Variants in DAP3 observed in about 807,000 individuals in gnomAD.
DAP3 encodes death associated protein 3.
Under a neutral mutation model 51.9 loss-of-function variants are expected in DAP3, and 28 were observed. That is an observed-to-expected ratio of 0.54 (90% CI 0.40 to 0.74). The LOEUF is 0.74. DAP3 is among the 30% of genes least tolerant of loss of function. DAP3 has a pLI of 0.00. For synonymous variants in DAP3, 170 were observed against 170.3 expected (o/e 1.00, Z 0.01); for missense variants, 458 against 483.5 (o/e 0.95, Z 0.49).
At chr1:155,730,334 G>A (rs1416708561) in intron 9 of DAP3, among the ~76,000 whole-genome samples, 1 of 147,190 alleles carries the variant, frequency 6.8e-6, no homozygotes, top group Non-Finnish European at 1.5e-5. Context: ...GCAAGGCCTG[G>A]TGTGATGGCT....
Position 155,738,040 on chromosome 1 carries a change from G to A in DAP3, c.1112-117G>A. The stretch of plus-strand genomic sequence containing the variant: ...GGTCTAGAAGTAAGATCTCTTGGGA[G>A]ATGATAATTACCTCAGAACGTAATT... On this transcript the variant is annotated intron_variant, in intron 12 of 12. Coordinates refer to ENST00000368336, the MANE Select transcript of DAP3 (RefSeq NM_004632.4). 3.2e-6 allele frequency: 3 copies of A among 928,430 alleles called. No homozygotes were observed. In the South Asian group the frequency reaches 4.7e-5, roughly 14 times the overall value. The allele number at this position is 928,430 out of a possible 1,614,324, so 57.5% of individuals were successfully genotyped here.
intron 4 of DAP3, chr1:155,721,918 C>T: frequency 2.0e-6 from 1 of 492,364 alleles, no homozygotes; most frequent in Admixed American, 3.3e-5. Flanking sequence ...TAATATGCTG[C>T]ACAAAAGCAA....
rs1655296007 is a variant in DAP3, at chr1:155,701,682, A to G, written c.-7-8091A>G. On this transcript the variant is annotated intron_variant, in intron 1 of 12. Coordinates refer to ENST00000368336, the MANE Select transcript of DAP3 (RefSeq NM_004632.4). Reference sequence around the variant, plus strand: ...ACACCCAAGAATTATCAATAAAAAAATAAATTAAAAAAAAAAAAAAAAGAA... The same window carrying G: ...ACACCCAAGAATTATCAATAAAAAAGTAAATTAAAAAAAAAAAAAAAAGAA... Among the ~76,000 whole-genome samples the G allele has an allele frequency of 2.1e-5, 3 of 139,846 alleles. No individual in the cohort carries two copies. The South Asian group carries it at 6.4e-4, about 30-fold the overall frequency. The allele number at this position is 139,846 out of a possible 152,430, so 91.7% of individuals were successfully genotyped here.
chr1:155,721,740 C>G (rs1011625492), intron 4 of DAP3, 122 bp downstream of exon 4: 1 of 909,160 alleles, frequency 1.1e-6, no homozygotes, highest in Non-Finnish European at 1.7e-6. Context: ...AACAGAAATT[C>G]ATGTGTTGAT....
At chr1:155,714,861 T>C (rs538769334) in intron 2 of DAP3, among the ~76,000 whole-genome samples, 1 of 152,096 alleles carries the variant, frequency 6.6e-6, no homozygotes, top group African/African-American at 2.4e-5. Context: ...TGGGTGTAAG[T>C]GTGAGGAGGG....
At chr1:155,699,831 G>T (rs1175622725) in intron 1 of DAP3, among the ~76,000 whole-genome samples, 2 of 152,172 alleles carry the variant, frequency 1.3e-5, no homozygotes, top group Non-Finnish European at 2.9e-5. Flanking sequence ...GCCCAGGCTG[G>T]TCTCAAACTC....
intron 2 of DAP3, among the ~76,000 whole-genome samples, chr1:155,712,186 A>T (rs1173576144): frequency 2.6e-5 from 4 of 152,216 alleles, no homozygotes; most frequent in African/African-American, 9.6e-5. Flanking sequence ...ATTGGCTCAC[A>T]AATGCTCTTT....
chr1:155,728,936 A>T, intron 7 of DAP3, 106 bp from the exon 8 acceptor site: 1 of 1,017,644 alleles, frequency 9.8e-7, no homozygotes. Flanking sequence ...ACAATAGATT[A>T]AAATGAACTC....
At position 155,729,023 on chromosome 1, in the gene DAP3, T is replaced by C; in HGVS notation, c.604-19T>C. ...AAGTAGCCTTTTTTTTGGTTTTTAT[T>C]TTCTTTGCTTGCTTTTAGATAAAAG... On this transcript the variant is annotated intron_variant, in intron 7 of 12. Transcript: ENST00000368336. The C allele has an allele frequency of 6.2e-7, 1 of 1,610,294 alleles. No individual in the cohort carries two copies. The highest frequency in any genetic ancestry group is 8.5e-7 in the Non-Finnish European group (1 of 1,179,188).
At chr1:155,737,955 A>G (rs1324104146) in intron 12 of DAP3, among the ~76,000 whole-genome samples, 3 of 152,166 alleles carry the variant, frequency 2.0e-5, no homozygotes, top group Non-Finnish European at 4.4e-5. Flanking sequence ...GCTGGTTTGG[A>G]GGAGTAGACA....
At chr1:155,732,121 T>G in intron 11 of DAP3, 88 bp downstream of exon 11, 1 of 1,218,784 alleles carries the variant, frequency 8.2e-7, no homozygotes, top group South Asian at 1.5e-5. Context: ...TTTGACATAA[T>G]TTCAGACTTA....
intron 1 of DAP3, among the ~76,000 whole-genome samples, chr1:155,696,528 C>T (rs1320215717): frequency 6.6e-6 from 1 of 152,124 alleles, no homozygotes; most frequent in Non-Finnish European, 1.5e-5. Context: ...GTACTTGTAT[C>T]CCCAAATATT....
In DAP3 at chr1:155,725,403, T is replaced by C; in HGVS notation, c.292T>C (p.Cys98Arg). ...VMQVKTFSEA[C>R]LMVRKPALEL... The stretch of plus-strand genomic sequence containing the variant: ...TCAGGTGAAGACATTCAGTGAAGCT[T>C]GCCTGATGGTAAGGAAACCAGCCCT... The change falls in exon 5 of 13, where the codon TGC becomes CGC. Residue 98 changes from cysteine (C) to arginine (R), a missense_variant. Coordinates refer to ENST00000368336, the MANE Select transcript of DAP3 (RefSeq NM_004632.4). The C allele has an allele frequency of 6.2e-7, 1 of 1,614,130 alleles. No homozygotes were observed. The highest frequency in any genetic ancestry group is 8.5e-7 in the Non-Finnish European group (1 of 1,180,022).
intron 12 of DAP3, 150 bp from the exon 13 acceptor site, chr1:155,738,007 G>A: frequency 1.5e-6 from 1 of 685,608 alleles, no homozygotes; most frequent in South Asian, 1.9e-5. Context: ...GTAGCTTGTT[G>A]GGGTGAGGGT....
At position 155,736,926 on chromosome 1, in the gene DAP3, T is replaced by C. The variant is rs1247707870; in HGVS notation, c.994-20T>C. The C allele has an allele frequency of 1.3e-6, 2 of 1,578,610 alleles. No individual in the cohort carries two copies. The highest frequency in any genetic ancestry group is 3.3e-5 in the Admixed American group (2 of 59,986). ...TTTGTTCCTTAACTAACATGTTTCC[T>C]GATCCTTTTTCTTCCCCAGGAAGGA... is the stretch of plus-strand genomic sequence containing the variant. On this transcript the variant is annotated intron_variant, in intron 11 of 12. Transcript: ENST00000368336.
At chr1:155,733,723 G>A (rs1659479651) in intron 11 of DAP3, among the ~76,000 whole-genome samples, 1 of 152,064 alleles carries the variant, frequency 6.6e-6, no homozygotes, top group Non-Finnish European at 1.5e-5. Context: ...TATAGTCCCA[G>A]TTACTCTGGA....
At chr1:155,715,202 CAAAA>C (rs113796623) in intron 2 of DAP3, among the ~76,000 whole-genome samples, 2 of 89,242 alleles carry the variant, frequency 2.2e-5, no homozygotes, top group Admixed American at 1.3e-4. Context: ...GACTCCATCT[CAAAA>C]AAAAAAAAAA....
At chr1:155,716,799 C>T (rs1171705332) in intron 2 of DAP3, among the ~76,000 whole-genome samples, 1 of 150,954 alleles carries the variant, frequency 6.6e-6, no homozygotes, top group East Asian at 2.0e-4. Context: ...TATAAAAAAT[C>T]AGCCGGGTGT....
At chr1:155,720,618 G>A (rs1430292700) in intron 3 of DAP3, among the ~76,000 whole-genome samples, 9 of 150,636 alleles carry the variant, frequency 6.0e-5, no homozygotes, top group South Asian at 2.1e-4. Flanking sequence ...ATTACACTTC[G>A]GCCTGGGCAA....
Sources: allele counts gnomAD v4.1 joint callset (sites outside exome capture counted in the v4.1 genomes callset), GRCh38; gene constraint gnomAD v4.1.1; transcripts MANE v1.5; gene names NCBI Gene and HGNC (gene_info 2026-07-23, HGNC 2026-07-21).